Variants in PIEZO2 observed in about 807,000 individuals in gnomAD.
The protein encoded by PIEZO2 is piezo-type mechanosensitive ion channel component 2.
A neutral mutation model predicts 337.3 loss-of-function variants in PIEZO2; 172 were observed. That is an observed-to-expected ratio of 0.51 (90% confidence interval 0.45 to 0.58). The LOEUF is 0.58. PIEZO2 is among the 20% of genes least tolerant of loss of function. The pLI is 0.00. For missense variants in PIEZO2, 3,028 were observed against 3,391.3 expected, an observed-to-expected ratio of 0.89 and a Z score of 2.66; for synonymous variants, 1,251 against 1,228.5, an observed-to-expected ratio of 1.02 and a Z score of -0.38.
Position 11,084,176 on chromosome 18 carries a change from CAAA to C in PIEZO2, c.65-17957_65-17955del, listed in dbSNP as rs1161713844. Among the ~76,000 whole-genome samples the C allele has an allele frequency of 3.1e-3, 201 of 64,782 alleles. 1 individual carries two copies. Among genetic ancestry groups the C allele is most frequent in the African/African-American group, 9.3e-3 (194 of 20,770 alleles). The allele number at this position is 64,782 out of a possible 152,430, so 42.5% of individuals were successfully genotyped here. A position where few individuals can be genotyped will look rare whatever the true frequency, so the allele number is the denominator to read the frequency against. ...TGGGCAAAAGAGTGAAACTCTGTCT[CAAA>C]AAAAAAAAAAAAAAAAAAAAGACAG... On this transcript the variant is annotated intron_variant, in intron 1 of 55. Coordinates refer to ENST00000674853, the MANE Select transcript of PIEZO2 (RefSeq NM_001378183.1).
At chr18:11,064,179 C>A (rs56118226) in intron 2 of PIEZO2, among the ~76,000 whole-genome samples, 1 of 152,112 alleles carries the variant, frequency 6.6e-6, no homozygotes, top group Non-Finnish European at 1.5e-5. Flanking sequence ...ATTTTAGAAA[C>A]GCATGTGTTC....
chr18:10,937,474 T>A (rs1231397710), intron 3 of PIEZO2, among the ~76,000 whole-genome samples: 1 of 152,148 alleles, frequency 6.6e-6, no homozygotes, highest in South Asian at 2.1e-4. Flanking sequence ...TTTGACAGAT[T>A]ATTGGGAAGT....
At chr18:10,789,477 A>G in intron 14 of PIEZO2, 112 bp from the exon 15 acceptor site, 1 of 1,277,558 alleles carries the variant, frequency 7.8e-7, no homozygotes, top group Non-Finnish European at 1.0e-6. Flanking sequence ...GTTATTGTAT[A>G]ATTTGGATGA....
intron 30 of PIEZO2, among the ~76,000 whole-genome samples, chr18:10,745,898 C>T (rs2037403855): frequency 6.6e-6 from 1 of 152,152 alleles, no homozygotes; most frequent in African/African-American, 2.4e-5. Flanking sequence ...TGCGGTCAGT[C>T]TTCCCTCCCT....
chr18:10,960,974 C>T (rs954728301), intron 3 of PIEZO2, among the ~76,000 whole-genome samples: 5 of 151,956 alleles, frequency 3.3e-5, no homozygotes, highest in African/African-American at 1.2e-4. Context: ...GTCAGGAGAT[C>T]GAGACCATCC....
chr18:11,057,375 C>T (rs922047876), intron 2 of PIEZO2, among the ~76,000 whole-genome samples: 2 of 152,240 alleles, frequency 1.3e-5, no homozygotes, highest in South Asian at 4.2e-4. Flanking sequence ...TTACACACAT[C>T]AAGATCTGAA....
chr18:11,148,408 G>T lies in PIEZO2; in HGVS notation c.64+117C>A. On this transcript the variant is annotated intron_variant, in intron 1 of 55. Coordinates refer to ENST00000674853, the MANE Select transcript of PIEZO2 (RefSeq NM_001378183.1). The surrounding 1 kb of genome is among the most constrained non-coding windows in gnomAD (Gnocchi z 5.2). ...CCAGGGACAGCGCGCGTCTGACGCCGCTGGCCTCCCGAATCGAACCCCAGA... is the reference window on the plus strand; with the variant it reads ...CCAGGGACAGCGCGCGTCTGACGCCTCTGGCCTCCCGAATCGAACCCCAGA... 2 of 1,192,426 alleles carry T rather than the reference G, an allele frequency of 1.7e-6. No homozygotes were observed. The highest frequency in any genetic ancestry group is 2.4e-6 in the Non-Finnish European group (2 of 846,438). 73.9% of individuals were successfully genotyped at this position (1,192,426 alleles called of 1,614,324 possible). A position where few individuals can be genotyped will look rare whatever the true frequency, so the allele number is the denominator to read the frequency against.
At chr18:11,058,072 G>T (rs559357749) in intron 2 of PIEZO2, among the ~76,000 whole-genome samples, 220 of 152,232 alleles carry the variant, frequency 1.4e-3, no homozygotes, top group Non-Finnish European at 2.5e-3. Flanking sequence ...AGACTGCCCC[G>T]GTCTACAGAA....
At chr18:11,022,086 C>T (rs1479590931) in intron 2 of PIEZO2, among the ~76,000 whole-genome samples, 3 of 152,154 alleles carry the variant, frequency 2.0e-5, no homozygotes, top group Non-Finnish European at 2.9e-5. Flanking sequence ...AACAAACGGG[C>T]GCTGCCTAAA....
At chr18:10,934,486 A>G (rs574979268) in intron 3 of PIEZO2, among the ~76,000 whole-genome samples, 1 of 152,358 alleles carries the variant, frequency 6.6e-6, no homozygotes, top group African/African-American at 2.4e-5. Context: ...CCCGCAAGTC[A>G]GGTAGAAAAC....
Position 10,677,625 on chromosome 18 carries a change from A to C in PIEZO2, c.8081+122T>G. ...TGCAAAATGGGGCCTCCAAATAGAA[A>C]TTAACTTTGTGTTACCAAAGAATGA... On this transcript the variant is annotated intron_variant, in intron 53 of 55. Coordinates refer to ENST00000674853, the MANE Select transcript of PIEZO2 (RefSeq NM_001378183.1). This position sits in a 1 kb window ranked among gnomAD's most constrained non-coding sequence, Gnocchi z 4.1. The C allele has an allele frequency of 7.9e-7, 1 of 1,259,928 alleles. No homozygotes were observed. Among genetic ancestry groups the C allele is most frequent in the Non-Finnish European group, 1.1e-6 (1 of 901,782 alleles). The allele number at this position is 1,259,928 out of a possible 1,614,324, so 78.0% of individuals were successfully genotyped here.
In PIEZO2 at chr18:10,835,496, C is replaced by T. The variant is rs944265542; in HGVS notation, c.917+19857G>A. The stretch of plus-strand genomic sequence containing the variant: ...AAATATGCACATAATGGTATATTGG[C>T]AGAATGCCTGGAACCAAACTTAGCT... On this transcript the variant is annotated intron_variant, in intron 7 of 55. Coordinates refer to ENST00000674853, the MANE Select transcript of PIEZO2 (RefSeq NM_001378183.1). Among the ~76,000 whole-genome samples, 10 of 152,142 alleles carry T rather than the reference C, an allele frequency of 6.6e-5. 1 individual carries two copies. In the South Asian group the frequency reaches 1.0e-3, roughly 16 times the overall value.
intron 21 of PIEZO2, among the ~76,000 whole-genome samples, chr18:10,765,035 T>A (rs1170773353): frequency 6.6e-6 from 1 of 152,218 alleles, no homozygotes; most frequent in African/African-American, 2.4e-5. Context: ...ACTTTTAATT[T>A]TCTGAGTGAT....
chr18:11,127,799 GTGCA>G lies in PIEZO2; in HGVS notation c.64+20722_64+20725del, dbSNP rs1334799366. On this transcript the variant is annotated intron_variant, in intron 1 of 55. Transcript: ENST00000674853. This position sits in a 1 kb window ranked among gnomAD's most constrained non-coding sequence, Gnocchi z 4.5. ...TATATGCATATACGTGTGTGTGTGT[GTGCA>G]TGTGTGTGTGTGTGTGTGTGTGTAT... Among the ~76,000 whole-genome samples, 92 of 60,700 alleles carry G rather than the reference GTGCA, an allele frequency of 1.5e-3. 1 individual carries two copies. Among genetic ancestry groups the G allele is most frequent in the Admixed American group, 2.4e-3 (15 of 6,340 alleles). 39.8% of individuals were successfully genotyped at this position (60,700 alleles called of 152,430 possible).
chr18:10,687,290 C>T (rs979748383), intron 49 of PIEZO2, among the ~76,000 whole-genome samples: 14 of 117,936 alleles, frequency 1.2e-4, no homozygotes, highest in Admixed American at 9.7e-5. Flanking sequence ...CCTCACTCCC[C>T]GCAACCCATG....
chr18:10,998,129 G>C lies in PIEZO2; in HGVS notation c.161-18469C>G, dbSNP rs113032577. Among the ~76,000 whole-genome samples the C allele has an allele frequency of 3.9e-3, 590 of 152,162 alleles. 6 individuals are homozygous for C. Among genetic ancestry groups the C allele is most frequent in the African/African-American group, 0.013 (542 of 41,526 alleles). On this transcript the variant is annotated intron_variant, in intron 2 of 55. Transcript: ENST00000674853. ...ATATCTTTAAATCTGCAAAAGAAAA[G>C]AATTATAAACTTAGAATTTTATACC...
At chr18:10,930,625 T>C (rs1386871895) in intron 3 of PIEZO2, among the ~76,000 whole-genome samples, 3 of 152,142 alleles carry the variant, frequency 2.0e-5, no homozygotes, top group African/African-American at 7.2e-5. Flanking sequence ...AACCTCTAAA[T>C]TGATTGAGAC....
intron 39 of PIEZO2, among the ~76,000 whole-genome samples, chr18:10,712,162 A>G (rs2035846660): frequency 6.6e-6 from 1 of 152,216 alleles, no homozygotes; most frequent in African/African-American, 2.4e-5. Context: ...TCACCCTGTA[A>G]CTAGGAAGCA....
Position 10,945,648 on chromosome 18 carries a change from A to G in PIEZO2, c.286+33887T>C, listed in dbSNP as rs931104593. On this transcript the variant is annotated intron_variant, in intron 3 of 55. Transcript: ENST00000674853. This position sits in a 1 kb window ranked among gnomAD's most constrained non-coding sequence, Gnocchi z 4.0. ...AATTCACAAGCTAGGTATCCAATAA[A>G]AAATGACCACATATATAAAGAAGCA... Among the ~76,000 whole-genome samples, 5 of 152,246 alleles carry G rather than the reference A, an allele frequency of 3.3e-5. No individual in the cohort carries two copies. The highest frequency in any genetic ancestry group is 3.3e-4 in the Admixed American group (5 of 15,282).
Sources: allele counts gnomAD v4.1 joint callset (sites outside exome capture counted in the v4.1 genomes callset), GRCh38; gene constraint gnomAD v4.1.1; non-coding constraint Gnocchi (gnomAD v3.1); transcripts MANE v1.5; gene names NCBI Gene and HGNC (gene_info 2026-07-23, HGNC 2026-07-21).